Variants in ERC2 observed in about 807,000 individuals in gnomAD.
ERC2 encodes ELKS/RAB6-interacting/CAST family member 2.
Under a neutral mutation model 114.8 loss-of-function variants are expected in ERC2, and 42 were observed. The observed-to-expected ratio is 0.37, with a 90% CI of 0.29 to 0.47. The LOEUF (loss-of-function observed/expected upper bound fraction) is 0.47. ERC2 is among the 20% of genes least tolerant of loss of function. The pLI, the probability that ERC2 is intolerant of heterozygous loss-of-function variation, is 0.99. For missense variants in ERC2, 939 were observed against 1,150.7 expected, an observed-to-expected ratio of 0.82 and a Z score of 2.66; for synonymous variants, 454 against 425.5, an observed-to-expected ratio of 1.07 and a Z score of -0.82.
chr3:55,894,094 T>C (rs539062341), intron 13 of ERC2, among the ~76,000 whole-genome samples: 2 of 152,302 alleles, frequency 1.3e-5, no homozygotes, highest in South Asian at 4.1e-4. Flanking sequence ...GACTGCCACT[T>C]ACTAGATGTA....
At chr3:56,147,231 C>T (rs991820895) in intron 5 of ERC2, among the ~76,000 whole-genome samples, 1 of 152,198 alleles carries the variant, frequency 6.6e-6, no homozygotes, top group Non-Finnish European at 1.5e-5. Context: ...TGCCGAACCT[C>T]GGCTTAACTC....
intron 7 of ERC2, among the ~76,000 whole-genome samples, chr3:56,023,624 A>G (rs537813580): frequency 6.6e-6 from 1 of 152,236 alleles, no homozygotes; most frequent in East Asian, 1.9e-4. Context: ...CACTATTAAA[A>G]TTGCTTCCTT....
chr3:55,662,895 T>G (rs548656403), intron 17 of ERC2, among the ~76,000 whole-genome samples: 1 of 152,338 alleles, frequency 6.6e-6, no homozygotes, highest in Non-Finnish European at 1.5e-5. Context: ...AGCCAAGTCC[T>G]GATGAGACAT....
intron 4 of ERC2, among the ~76,000 whole-genome samples, chr3:56,159,831 A>G (rs776286437): frequency 6.6e-6 from 1 of 152,192 alleles, no homozygotes; most frequent in Non-Finnish European, 1.5e-5. Flanking sequence ...TGCAAAGGAC[A>G]TGGTTTCATT....
intron 5 of ERC2, among the ~76,000 whole-genome samples, chr3:56,144,757 C>A (rs1325304857): frequency 6.6e-6 from 1 of 152,218 alleles, no homozygotes; most frequent in Admixed American, 6.5e-5. Context: ...AAATAGCTTT[C>A]AGGCATTGCT....
intron 3 of ERC2, among the ~76,000 whole-genome samples, chr3:56,200,886 C>G (rs1374632654): frequency 6.6e-6 from 1 of 152,188 alleles, no homozygotes; most frequent in East Asian, 1.9e-4. Flanking sequence ...ATTTCATTCC[C>G]CATCCATTAT....
intron 7 of ERC2, among the ~76,000 whole-genome samples, chr3:56,063,884 G>A (rs1292223205): frequency 1.3e-5 from 2 of 152,086 alleles, no homozygotes; most frequent in African/African-American, 4.8e-5. Context: ...ACAAAATAGA[G>A]TGAATATCTT....
intron 14 of ERC2, among the ~76,000 whole-genome samples, chr3:55,746,757 G>T (rs2148954770): frequency 6.6e-6 from 1 of 152,296 alleles, no homozygotes; most frequent in African/African-American, 2.4e-5. Flanking sequence ...ATCCCTTCTG[G>T]GAGAGGGGCT....
intron 2 of ERC2, among the ~76,000 whole-genome samples, chr3:56,404,438 C>G (rs532996270): frequency 6.6e-6 from 1 of 152,002 alleles, no homozygotes; most frequent in South Asian, 2.1e-4. Flanking sequence ...AAAAAGGCAA[C>G]TTGGGTAAAT....
chr3:56,241,909 A>G (rs1414976026), intron 3 of ERC2, among the ~76,000 whole-genome samples: 2 of 152,228 alleles, frequency 1.3e-5, no homozygotes, highest in African/African-American at 4.8e-5. Flanking sequence ...ATTCATGCTC[A>G]CTTGTTTATG....
intron 13 of ERC2, among the ~76,000 whole-genome samples, chr3:55,907,652 A>G (rs1438131028): frequency 6.6e-6 from 1 of 152,192 alleles, no homozygotes; most frequent in East Asian, 1.9e-4. Flanking sequence ...ATGAGGAAAC[A>G]CAGACGCTGA....
At chr3:56,173,297 C>T (rs2082780633) in intron 4 of ERC2, 149 bp downstream of exon 4, 2 of 720,260 alleles carry the variant, frequency 2.8e-6, no homozygotes, top group South Asian at 3.2e-5. Context: ...TAAATGTGCC[C>T]AGGAAGGTAA....
chr3:55,858,158 AC>A (rs2061870431), intron 14 of ERC2, among the ~76,000 whole-genome samples: 1 of 152,208 alleles, frequency 6.6e-6, no homozygotes, highest in Non-Finnish European at 1.5e-5. Flanking sequence ...AAGGAGACAT[AC>A]GCTACTTAAA....
intron 3 of ERC2, among the ~76,000 whole-genome samples, chr3:56,208,280 T>C (rs540110820): frequency 6.6e-6 from 1 of 150,994 alleles, no homozygotes; most frequent in South Asian, 2.1e-4. Context: ...ATTACATTCA[T>C]TCCTTCGACT....
intron 2 of ERC2, among the ~76,000 whole-genome samples, chr3:56,301,708 AT>A (rs1267712563): frequency 7.2e-5 from 8 of 110,916 alleles, no homozygotes; most frequent in East Asian, 3.6e-4. Flanking sequence ...TCTAAAAAAA[AT>A]AAAAATAAAA....
chr3:55,681,684 T>G (rs1215448410), intron 17 of ERC2, among the ~76,000 whole-genome samples: 1 of 152,236 alleles, frequency 6.6e-6, no homozygotes, highest in Non-Finnish European at 1.5e-5. Flanking sequence ...CATACTAAAG[T>G]AGGATTATAT....
intron 6 of ERC2, among the ~76,000 whole-genome samples, chr3:56,130,046 T>C (rs779899671): frequency 7.9e-5 from 12 of 152,230 alleles, no homozygotes; most frequent in Non-Finnish European, 1.3e-4. Flanking sequence ...GGAACACTTA[T>C]AATGAGATTT....
At chr3:56,282,663 T>C (rs1200340038) in intron 3 of ERC2, among the ~76,000 whole-genome samples, 1 of 147,328 alleles carries the variant, frequency 6.8e-6, no homozygotes, top group Non-Finnish European at 1.5e-5. Flanking sequence ...CTAGAAGATC[T>C]TCCATCTAAC....
chr3:55,838,986 G>A lies in ERC2; in HGVS notation c.2564+49403C>T, dbSNP rs184456000. ...AGAAATTATAAACCCACAGATCCAA[G>A]AACTACAATAAACACCAAGCTCAAG... On this transcript the variant is annotated intron_variant, in intron 14 of 17. Transcript: ENST00000288221. Among the ~76,000 whole-genome samples the A allele has an allele frequency of 3.9e-3, 595 of 151,674 alleles. 3 individuals carry two copies. Among genetic ancestry groups the A allele is most frequent in the African/African-American group, 0.014 (559 of 41,386 alleles).
Sources: gnomAD v4.1 joint callset for allele counts (sites outside exome capture counted in the v4.1 genomes callset) on GRCh38, gnomAD v4.1.1 for gene constraint, MANE v1.5 for transcripts, NCBI Gene and HGNC (gene_info 2026-07-23, HGNC 2026-07-21) for gene names.